The following PDGFC variants were observed in gnomAD, a reference collection of about 807,000 sequenced individuals.
PDGFC encodes platelet-derived growth factor C.
PDGFC carries 12 observed loss-of-function variants against 35.5 expected under a neutral mutation model. The ratio of observed to expected loss-of-function variants is 0.34; its 90% CI spans 0.22 to 0.55. The LOEUF is 0.55. PDGFC is among the 20% of genes least tolerant of loss of function. PDGFC has a pLI of 0.91. For synonymous variants in PDGFC, 159 were observed against 148.8 expected (o/e 1.07, Z -0.50); for missense variants, 322 against 412.4 (o/e 0.78, Z 1.90).
rs748692719 is a variant in PDGFC, at chr4:156,965,391, G to T, written c.118+5395C>A. On this transcript the variant is annotated intron_variant, in intron 1 of 5. Transcript: ENST00000502773. ...TCTCAACAACTTAGATTTTATGGTGGGGGTGAGGGATGTTGGTAGATAATA... is the reference window on the plus strand; with the variant it reads ...TCTCAACAACTTAGATTTTATGGTGTGGGTGAGGGATGTTGGTAGATAATA... Among the ~76,000 whole-genome samples, 12 of 152,176 alleles carry T rather than the reference G, an allele frequency of 7.9e-5. 1 individual carries two copies. Among genetic ancestry groups the T allele is most frequent in the Non-Finnish European group, 1.5e-4 (10 of 68,024 alleles).
chr4:156,854,824 A>T (rs893878248), intron 1 of PDGFC, among the ~76,000 whole-genome samples: 5 of 152,298 alleles, frequency 3.3e-5, no homozygotes, highest in African/African-American at 1.2e-4. Context: ...AAACAAAAAA[A>T]AAGTTTATAG....
intron 2 of PDGFC, among the ~76,000 whole-genome samples, chr4:156,834,942 A>C (rs1579044220): frequency 6.6e-6 from 1 of 152,138 alleles, no homozygotes; most frequent in Middle Eastern, 3.4e-3. Flanking sequence ...AACACAACTG[A>C]ACAGCTTGAT....
intron 1 of PDGFC, among the ~76,000 whole-genome samples, chr4:156,856,903 A>T (rs1288039736): frequency 1.3e-5 from 2 of 152,136 alleles, no homozygotes; most frequent in African/African-American, 4.8e-5. Context: ...AGTATGCATT[A>T]TTGAGATCTG....
At chr4:156,826,908 G>A (rs1728774106) in intron 2 of PDGFC, among the ~76,000 whole-genome samples, 1 of 152,128 alleles carries the variant, frequency 6.6e-6, no homozygotes, top group African/African-American at 2.4e-5. Context: ...ACAAACCAAA[G>A]TGAAATAAAA....
At chr4:156,801,442 G>C (rs1731608977) in intron 3 of PDGFC, among the ~76,000 whole-genome samples, 1 of 151,994 alleles carries the variant, frequency 6.6e-6, no homozygotes, top group Non-Finnish European at 1.5e-5. Context: ...CCCCCTGGAG[G>C]GTGACAGTAC....
intron 1 of PDGFC, among the ~76,000 whole-genome samples, chr4:156,902,036 T>C (rs1193919056): frequency 1.3e-5 from 2 of 152,198 alleles, no homozygotes; most frequent in East Asian, 1.9e-4. Context: ...TGGGTTGAGC[T>C]GAATGATTTT....
chr4:156,902,072 A>G (rs1730802605), intron 1 of PDGFC, among the ~76,000 whole-genome samples: 1 of 152,174 alleles, frequency 6.6e-6, no homozygotes, highest in South Asian at 2.1e-4. Context: ...AAGATGAGTA[A>G]TGAAGACCAA....
At chr4:156,883,062 C>T (rs1043997396) in intron 1 of PDGFC, among the ~76,000 whole-genome samples, 6 of 147,230 alleles carry the variant, frequency 4.1e-5, no homozygotes, top group Non-Finnish European at 5.9e-5. Flanking sequence ...CCAGCCTGAG[C>T]GACAGAGCAA....
At chr4:156,872,490 G>T (rs546917330) in intron 1 of PDGFC, among the ~76,000 whole-genome samples, 2 of 152,080 alleles carry the variant, frequency 1.3e-5, no homozygotes, top group Non-Finnish European at 2.9e-5. Context: ...CAAGGGCCCC[G>T]GACCCTTAGT....
chr4:156,936,937 A>G (rs1321545074), intron 1 of PDGFC, among the ~76,000 whole-genome samples: 1 of 152,210 alleles, frequency 6.6e-6, no homozygotes, highest in African/African-American at 2.4e-5. Flanking sequence ...GAACAATTTG[A>G]TGAAAAATAT....
intron 3 of PDGFC, among the ~76,000 whole-genome samples, chr4:156,809,837 T>A (rs576352590): frequency 6.6e-6 from 1 of 152,114 alleles, no homozygotes; most frequent in African/African-American, 2.4e-5. Flanking sequence ...ATTTAAAATA[T>A]AAATAATATC....
chr4:156,783,676 G>C (rs974756329), intron 3 of PDGFC, among the ~76,000 whole-genome samples: 1 of 152,102 alleles, frequency 6.6e-6, no homozygotes, highest in African/African-American at 2.4e-5. Context: ...TGAAATTGTT[G>C]TACGTGTCCC....
intron 1 of PDGFC, among the ~76,000 whole-genome samples, chr4:156,954,930 T>C (rs1456424889): frequency 6.6e-6 from 1 of 152,026 alleles, no homozygotes; most frequent in African/African-American, 2.4e-5. Context: ...AGATCTGCCA[T>C]CCAGTGGGGC....
intron 1 of PDGFC, among the ~76,000 whole-genome samples, chr4:156,900,034 A>G (rs1160617417): frequency 6.6e-6 from 1 of 152,206 alleles, no homozygotes; most frequent in Non-Finnish European, 1.5e-5. Context: ...CTAAATAAAT[A>G]TTATTCATCT....
chr4:156,851,995 C>G (rs1262062447), intron 1 of PDGFC, among the ~76,000 whole-genome samples: 1 of 128,720 alleles, frequency 7.8e-6, no homozygotes, highest in Non-Finnish European at 1.7e-5. Flanking sequence ...AGAAAAACAA[C>G]AACAACAGCA....
intron 1 of PDGFC, among the ~76,000 whole-genome samples, chr4:156,959,780 C>A (rs1560891586): frequency 6.6e-6 from 1 of 151,866 alleles, no homozygotes; most frequent in African/African-American, 2.4e-5. Context: ...TGACTGCAAA[C>A]AAAGATTGCA....
At chr4:156,891,640 G>A (rs1348690884) in intron 1 of PDGFC, among the ~76,000 whole-genome samples, 8 of 152,126 alleles carry the variant, frequency 5.3e-5, no homozygotes, top group African/African-American at 7.2e-5. Context: ...AGTAAGAAAA[G>A]ACAAATTGAA....
intron 1 of PDGFC, among the ~76,000 whole-genome samples, chr4:156,851,824 C>T (rs971219452): frequency 9.4e-5 from 14 of 149,370 alleles, no homozygotes; most frequent in African/African-American, 2.5e-4. Context: ...CCTGCTACTC[C>T]GGAGGCTGAG....
chr4:156,940,025 T>C (rs1032325872), intron 1 of PDGFC, among the ~76,000 whole-genome samples: 3 of 152,094 alleles, frequency 2.0e-5, no homozygotes, highest in African/African-American at 7.2e-5. Flanking sequence ...TCAGAATATC[T>C]GAAGCAATCA....
Sources: allele counts gnomAD v4.1 joint callset (sites outside exome capture counted in the v4.1 genomes callset), GRCh38; gene constraint gnomAD v4.1.1; transcripts MANE v1.5; gene names NCBI Gene and HGNC (gene_info 2026-07-23, HGNC 2026-07-21).